KYNU: variants seen among roughly 807,000 people sequenced by gnomAD.
The protein encoded by KYNU is kynureninase.
A neutral mutation model predicts 59.2 loss-of-function variants in KYNU; 54 were observed. The observed-to-expected ratio is 0.91, with a 90% CI of 0.73 to 1.14. KYNU has a LOEUF of 1.14. KYNU is among the 50% of genes most tolerant of loss of function. KYNU has a pLI of 0.00. For synonymous variants in KYNU, 177 were observed against 192.0 expected (o/e 0.92, Z 0.65); for missense variants, 567 against 554.4 (o/e 1.02, Z -0.23).
At chr2:143,002,335 C>G (rs2105187486) in intron 10 of KYNU, among the ~76,000 whole-genome samples, 1 of 152,306 alleles carries the variant, frequency 6.6e-6, no homozygotes, top group Middle Eastern at 3.4e-3. Context: ...AATGTCTTGA[C>G]CACAGTTACG....
In KYNU at chr2:143,043,756, TATTTATATTTA is replaced by T. The variant is rs1687119533; in HGVS notation, c.*1585_*1595del. 1 of 141,164 alleles carries T rather than the reference TATTTATATTTA, an allele frequency of 7.1e-6. No individual in the cohort carries two copies. The highest frequency in any genetic ancestry group is 1.6e-5 in the Non-Finnish European group (1 of 64,488). 8.7% of individuals were successfully genotyped at this position (141,164 alleles called of 1,614,324 possible). ...TATATAAATATATATACTTTATATATATTTATATTTATATATTTATATATTTATATTTTAAT... is the reference window on the plus strand; with the variant it reads ...TATATAAATATATATACTTTATATATTATATTTATATATTTATATTTTAAT... On this transcript the variant is annotated 3_prime_UTR_variant, in exon 14 of 14. Coordinates refer to ENST00000264170, the MANE Select transcript of KYNU (RefSeq NM_003937.3).
Position 143,050,053 on chromosome 2 carries a change from T to C in KYNU, c.*7881T>C, listed in dbSNP as rs1033557551. On this transcript the variant is annotated 3_prime_UTR_variant, in exon 14 of 14. Transcript: ENST00000264170. ...TATATTTATATAAAATAAAAACATATAAAATATGAAATATATAATACAGTA... is the reference window on the plus strand; with the variant it reads ...TATATTTATATAAAATAAAAACATACAAAATATGAAATATATAATACAGTA... 2 of 147,998 alleles carry C rather than the reference T, an allele frequency of 1.4e-5. No homozygotes were observed. Among genetic ancestry groups the C allele is most frequent in the Non-Finnish European group, 3.0e-5 (2 of 67,126 alleles). The allele number at this position is 147,998 out of a possible 1,614,324, so 9.2% of individuals were successfully genotyped here. A position where few individuals can be genotyped will look rare whatever the true frequency, so the allele number is the denominator to read the frequency against.
intron 8 of KYNU, among the ~76,000 whole-genome samples, chr2:142,982,728 A>T (rs1685084244): frequency 6.6e-6 from 1 of 152,084 alleles, no homozygotes; most frequent in Non-Finnish European, 1.5e-5. Context: ...AATACTTTTT[A>T]AAAATTAAGC....
chr2:142,983,698 T>C (rs1005236574), intron 8 of KYNU, among the ~76,000 whole-genome samples: 1 of 152,070 alleles, frequency 6.6e-6, no homozygotes, highest in Non-Finnish European at 1.5e-5. Flanking sequence ...TGGCTCTATA[T>C]CTGTATTTAC....
chr2:142,990,056 A>G (rs1685351606), intron 10 of KYNU: 1 of 151,792 alleles, frequency 6.6e-6, no homozygotes, highest in South Asian at 2.1e-4. Flanking sequence ...GAGTCAACGC[A>G]CGGCATTAAG....
At position 142,885,347 on chromosome 2, in the gene KYNU, A is replaced by G. The variant is rs1390758208; in HGVS notation, c.-19-2A>G. ...AGATTATGTTTTATTATTCTCTTTC[A>G]GTTTTAGAGAACAACTTGTAATGGA... On this transcript the variant is annotated splice_acceptor_variant, in intron 1 of 13. Coordinates refer to ENST00000264170, the MANE Select transcript of KYNU (RefSeq NM_003937.3). LOFTEE classifies it low-confidence loss of function (5UTR_SPLICE). 2 of 1,612,002 alleles carry G rather than the reference A, an allele frequency of 1.2e-6. No individual in the cohort carries two copies. The highest frequency in any genetic ancestry group is 3.3e-5 in the Admixed American group (2 of 59,962).
In KYNU at chr2:143,053,630, TAA is replaced by T. The variant is rs1417124257; in HGVS notation, c.*11460_*11461del. On this transcript the variant is annotated 3_prime_UTR_variant, in exon 14 of 14. Transcript: ENST00000264170. ...AGTCTCATGAGATCTGATGGTTTTATAAAGGGGAGTTTCCCTGCCCAAGTTCT... is the reference window on the plus strand; with the variant it reads ...AGTCTCATGAGATCTGATGGTTTTATAGGGGAGTTTCCCTGCCCAAGTTCT... 1 of 152,322 alleles carries T rather than the reference TAA, an allele frequency of 6.6e-6. No individual in the cohort carries two copies. The highest frequency in any genetic ancestry group is 2.4e-5 in the African/African-American group (1 of 41,436). 9.4% of individuals were successfully genotyped at this position (152,322 alleles called of 1,614,324 possible).
intron 10 of KYNU, among the ~76,000 whole-genome samples, chr2:142,996,534 G>C (rs1346377201): frequency 6.6e-6 from 1 of 152,008 alleles, no homozygotes; most frequent in Non-Finnish European, 1.5e-5. Flanking sequence ...CATTCAGTCT[G>C]GGCAGTGAAA....
At chr2:143,023,246 T>C (rs1385796080) in intron 10 of KYNU, among the ~76,000 whole-genome samples, 2 of 151,914 alleles carry the variant, frequency 1.3e-5, no homozygotes. Context: ...TCAGATCAAT[T>C]TACTTTAAAC....
Position 142,939,147 on chromosome 2 carries a change from CAAACAAAACA to C in KYNU, c.373+11419_373+11428del, listed in dbSNP as rs147246587. On this transcript the variant is annotated intron_variant, in intron 4 of 13. Coordinates refer to ENST00000264170, the MANE Select transcript of KYNU (RefSeq NM_003937.3). ...TGGGTGACAGACTAAGACCCTGTCTCAAACAAAACAAAACAAAACAAACCCCTCAAACCTC... is the reference window on the plus strand; with the variant it reads ...TGGGTGACAGACTAAGACCCTGTCTCAAACAAAACAAACCCCTCAAACCTC... Among the ~76,000 whole-genome samples, 137 of 151,592 alleles carry C rather than the reference CAAACAAAACA, an allele frequency of 9.0e-4. 2 individuals carry two copies. The East Asian group carries it at 0.022, about 24-fold the overall frequency.
At chr2:143,033,172 T>C (rs1686806269) in intron 11 of KYNU, 64 bp from the exon 12 acceptor site, 2 of 1,083,204 alleles carry the variant, frequency 1.8e-6, no homozygotes, top group East Asian at 2.4e-5. Flanking sequence ...TCCAGTACTC[T>C]AGTATCTTTA....
At chr2:142,888,300 A>G (rs888907240) in intron 2 of KYNU, among the ~76,000 whole-genome samples, 1 of 152,148 alleles carries the variant, frequency 6.6e-6, no homozygotes, top group Non-Finnish European at 1.5e-5. Flanking sequence ...TGTACAAATA[A>G]TACAAAAATT....
intron 10 of KYNU, among the ~76,000 whole-genome samples, chr2:142,997,429 GT>G (rs1249011288): frequency 6.6e-6 from 1 of 152,102 alleles, no homozygotes. Flanking sequence ...CATGTTCCAT[GT>G]TTTTGCAATG....
intron 10 of KYNU, among the ~76,000 whole-genome samples, chr2:143,012,599 T>C (rs1050499052): frequency 6.6e-6 from 1 of 152,188 alleles, no homozygotes; most frequent in African/African-American, 2.4e-5. Context: ...ACTGTGTATA[T>C]TTAAGGTCTA....
intron 10 of KYNU, among the ~76,000 whole-genome samples, chr2:142,991,932 C>T (rs571268411): frequency 6.6e-6 from 1 of 151,982 alleles, no homozygotes; most frequent in African/African-American, 2.4e-5. Context: ...GGAAAATATT[C>T]ACTAATAAAC....
rs1402634995 is a variant in KYNU at position 143,047,961 on chromosome 2, C to T, written c.*5789C>T. ...GCGGGTTCAAGCAATTTTCATGCCTCAGCCTCCCAAGTAGCTGGGATTACA... is the reference window on the plus strand; with the variant it reads ...GCGGGTTCAAGCAATTTTCATGCCTTAGCCTCCCAAGTAGCTGGGATTACA... On this transcript the variant is annotated 3_prime_UTR_variant, in exon 14 of 14. Transcript: ENST00000264170. 6.8e-6 allele frequency: 1 copy of T among 147,850 alleles called. No individual in the cohort carries two copies. Among genetic ancestry groups the T allele is most frequent in the Admixed American group, 6.9e-5 (1 of 14,432 alleles). 9.2% of individuals were successfully genotyped at this position (147,850 alleles called of 1,614,324 possible). A position where few individuals can be genotyped will look rare whatever the true frequency, so the allele number is the denominator to read the frequency against.
At chr2:142,965,316 T>G (rs564000360) in intron 8 of KYNU, among the ~76,000 whole-genome samples, 3 of 152,332 alleles carry the variant, frequency 2.0e-5, no homozygotes, top group African/African-American at 7.2e-5. Flanking sequence ...TCTTATTAAT[T>G]TCATCCTTTC....
intron 4 of KYNU, among the ~76,000 whole-genome samples, chr2:142,946,572 A>C (rs777889111): frequency 3.3e-5 from 5 of 152,216 alleles, no homozygotes; most frequent in Non-Finnish European, 7.3e-5. Flanking sequence ...ATTAGGTCTC[A>C]ACAGTGAGCT....
intron 2 of KYNU, among the ~76,000 whole-genome samples, chr2:142,899,028 G>A (rs1485622148): frequency 1.3e-5 from 2 of 152,124 alleles, no homozygotes; most frequent in South Asian, 2.1e-4. Flanking sequence ...GTCAATGGTG[G>A]GTCTGAGATG....
Sources: gnomAD v4.1 joint callset for allele counts (sites outside exome capture counted in the v4.1 genomes callset) on GRCh38, gnomAD v4.1.1 for gene constraint, MANE v1.5 for transcripts, NCBI Gene and HGNC (gene_info 2026-07-23, HGNC 2026-07-21) for gene names.